The following GPT2 variants were observed in gnomAD, a reference collection of about 807,000 sequenced individuals.
GPT2 encodes alanine aminotransferase 2.
In GPT2, 30 loss-of-function variants were observed where a neutral mutation model predicts 56.9. The ratio of observed to expected loss-of-function variants is 0.53; its 90% confidence interval spans 0.39 to 0.72. The LOEUF (loss-of-function observed/expected upper bound fraction) is 0.72. Ranked by LOEUF, GPT2 falls within the 30% of genes least tolerant of loss-of-function variation. The pLI, the probability that GPT2 is intolerant of heterozygous loss-of-function variation, is 0.00. For missense variants in GPT2, 542 were observed against 703.4 expected (o/e 0.77, Z 2.60); for synonymous variants, 271 against 283.1 (o/e 0.96, Z 0.43).
At chr16:46,924,191 C>T (rs986546960) in intron 9 of GPT2, 198 bp from the exon 10 acceptor site, 4 of 662,822 alleles carry the variant, frequency 6.0e-6, no homozygotes, top group Non-Finnish European at 8.3e-6. Flanking sequence ...CCACCCACTC[C>T]GTCTGTGTGG....
chr16:46,897,750 C>T lies in GPT2; in HGVS notation c.333+13C>T, dbSNP rs2143393374. On this transcript the variant is annotated intron_variant, in intron 3 of 11. Transcript: ENST00000340124. ...CTTCCTCCGGCAGGTGAGCCGCCCC[C>T]AGGAGCAGAGGCTGCAGGAGGGCAG... 3.1e-6 allele frequency: 5 copies of T among 1,613,366 alleles called. No homozygotes were observed. In the East Asian group the frequency reaches 8.9e-5, roughly 29 times the overall value.
At chr16:46,924,573 T>C in intron 10 of GPT2, 29 bp downstream of exon 10, 1 of 1,609,984 alleles carries the variant, frequency 6.2e-7, no homozygotes, top group East Asian at 2.2e-5. Flanking sequence ...GCTGGCTCTC[T>C]CTTACCAGGT....
At chr16:46,905,819 ACT>A (rs1449133767) in intron 4 of GPT2, among the ~76,000 whole-genome samples, 7 of 151,670 alleles carry the variant, frequency 4.6e-5, no homozygotes, top group African/African-American at 1.5e-4. Context: ...CCCCCTGTAC[ACT>A]CTCTCATGGG....
chr16:46,900,589 TG>T lies in GPT2; in HGVS notation c.334-90del, dbSNP rs1204962104. On this transcript the variant is annotated intron_variant, in intron 3 of 11. Coordinates refer to ENST00000340124, the MANE Select transcript of GPT2 (RefSeq NM_133443.4). ...GAGAGGCTTGCGTCAGCCCCATCCC[TG>T]GGAGCTGTCATCCTCCCAGTGGCCT... is the stretch of plus-strand genomic sequence containing the variant. The T allele has an allele frequency of 4.2e-6, 4 of 946,172 alleles. No individual in the cohort carries two copies. In the Admixed American group the frequency reaches 5.8e-5, roughly 14 times the overall value. 58.6% of individuals were successfully genotyped at this position (946,172 alleles called of 1,614,324 possible).
intron 3 of GPT2, among the ~76,000 whole-genome samples, chr16:46,899,821 T>C (rs1383434680): frequency 2.0e-5 from 3 of 152,196 alleles, no homozygotes; most frequent in Admixed American, 6.5e-5. Flanking sequence ...CTCAGCCTTA[T>C]TTGCTGGAGA....
intron 8 of GPT2, among the ~76,000 whole-genome samples, chr16:46,921,428 C>T (rs1199088292): frequency 6.6e-6 from 1 of 152,176 alleles, no homozygotes; most frequent in African/African-American, 2.4e-5. Context: ...CCACCTCGGC[C>T]TCCCAAAGTG....
chr16:46,927,136 G>A, intron 11 of GPT2, 99 bp downstream of exon 11: 1 of 691,404 alleles, frequency 1.4e-6, no homozygotes. Flanking sequence ...AGAGAGAGGT[G>A]CGGAGACCCT....
intron 11 of GPT2, among the ~76,000 whole-genome samples, chr16:46,927,532 G>A (rs1961442649): frequency 6.6e-6 from 1 of 152,210 alleles, no homozygotes; most frequent in Non-Finnish European, 1.5e-5. Context: ...GGCCCTGCAT[G>A]GATGGGAATG....
In GPT2 at chr16:46,924,430, G is replaced by A; in HGVS notation, c.1254G>A (p.Lys418=). The change falls in exon 10 of 12, where the codon AAG becomes AAA. Residue 418 remains lysine, a synonymous_variant. Transcript: ENST00000340124. Reference sequence around the variant, plus strand: ...TGGGTAATCTGGCCAAAAAAGCAAAGCTGACGGAAGACCTGTTTAACCAAG... The same window carrying A: ...TGGGTAATCTGGCCAAAAAAGCAAAACTGACGGAAGACCTGTTTAACCAAG... The part of the protein sequence containing the change: ...SVLGNLAKKA[K]LTEDLFNQVP... 1.2e-6 allele frequency: 2 copies of A among 1,614,232 alleles called. No individual in the cohort carries two copies. The highest frequency in any genetic ancestry group is 1.7e-5 in the Admixed American group (1 of 60,028).
chr16:46,928,357 G>A (rs1442926064), intron 11 of GPT2, among the ~76,000 whole-genome samples: 1 of 151,972 alleles, frequency 6.6e-6, no homozygotes, highest in Non-Finnish European at 1.5e-5. Context: ...AGGTGCAGTG[G>A]CTCATGCCTG....
intron 2 of GPT2, among the ~76,000 whole-genome samples, chr16:46,889,211 T>C (rs927700830): frequency 1.3e-5 from 2 of 149,612 alleles, no homozygotes; most frequent in South Asian, 4.2e-4. Context: ...CATTTTTTTG[T>C]AGAGACAGGG....
chr16:46,911,588 T>G (rs1961047934), intron 6 of GPT2, among the ~76,000 whole-genome samples: 1 of 152,084 alleles, frequency 6.6e-6, no homozygotes, highest in Non-Finnish European at 1.5e-5. Flanking sequence ...ATGTCAAAAT[T>G]GAGGCCACAC....
chr16:46,898,495 G>A (rs1960728768), intron 3 of GPT2, among the ~76,000 whole-genome samples: 1 of 152,226 alleles, frequency 6.6e-6, no homozygotes. Context: ...CCCAGTGTGT[G>A]ACAGCTTTTT....
rs908713108 is a variant in GPT2 at position 46,914,201 on chromosome 16, G to A, written c.821-2427G>A. On this transcript the variant is annotated intron_variant, in intron 6 of 11. Coordinates refer to ENST00000340124, the MANE Select transcript of GPT2 (RefSeq NM_133443.4). Reference sequence around the variant, plus strand: ...CCCTCACCTGTACCCATGGCATTTCGTGTGAACGGATGGATCACTATCTTG... The same window carrying A: ...CCCTCACCTGTACCCATGGCATTTCATGTGAACGGATGGATCACTATCTTG... Among the ~76,000 whole-genome samples, 4 of 152,122 alleles carry A rather than the reference G, an allele frequency of 2.6e-5. No individual in the cohort carries two copies. The South Asian group carries it at 6.2e-4, about 24-fold the overall frequency.
intron 6 of GPT2, among the ~76,000 whole-genome samples, chr16:46,913,432 T>A (rs568964858): frequency 6.6e-6 from 1 of 152,244 alleles, no homozygotes; most frequent in African/African-American, 2.4e-5. Flanking sequence ...CCAGCCCTTC[T>A]CTGTCTGTGA....
intron 11 of GPT2, 97 bp downstream of exon 11, chr16:46,927,134 G>C: frequency 2.8e-6 from 2 of 707,974 alleles, no homozygotes; most frequent in South Asian, 4.3e-5. Context: ...AAAGAGAGAG[G>C]TGCGGAGACC....
chr16:46,907,766 A>T (rs1301431580), intron 5 of GPT2, among the ~76,000 whole-genome samples: 1 of 152,040 alleles, frequency 6.6e-6, no homozygotes, highest in Non-Finnish European at 1.5e-5. Flanking sequence ...AAGGAGAAGG[A>T]GGTGGAGCAG....
intron 10 of GPT2, 152 bp downstream of exon 10, chr16:46,924,696 G>A (rs1961367601): frequency 5.0e-6 from 4 of 801,626 alleles, no homozygotes; most frequent in Non-Finnish European, 8.0e-6. Context: ...ACCGTGTAAA[G>A]ATGACAGGTT....
At position 46,930,465 on chromosome 16, in the gene GPT2, C is replaced by T. The variant is rs887327610; in HGVS notation, c.*1468C>T. 2 of 152,192 alleles carry T rather than the reference C, an allele frequency of 1.3e-5. No individual in the cohort carries two copies. The highest frequency in any genetic ancestry group is 3.8e-4 in the East Asian group (2 of 5,198). 9.4% of individuals were successfully genotyped at this position (152,192 alleles called of 1,614,324 possible). A position where few individuals can be genotyped will look rare whatever the true frequency, so the allele number is the denominator to read the frequency against. Reference sequence around the variant, plus strand: ...TATGCTGTGATTTCCACACCGGGTCCGTGCAGAGGAAACAGAAACTCCCAA... The same window carrying T: ...TATGCTGTGATTTCCACACCGGGTCTGTGCAGAGGAAACAGAAACTCCCAA... On this transcript the variant is annotated 3_prime_UTR_variant, in exon 12 of 12. Coordinates refer to ENST00000340124, the MANE Select transcript of GPT2 (RefSeq NM_133443.4).
Sources: gnomAD v4.1 joint callset for allele counts (sites outside exome capture counted in the v4.1 genomes callset) on GRCh38, gnomAD v4.1.1 for gene constraint, MANE v1.5 for transcripts, NCBI Gene and HGNC (gene_info 2026-07-23, HGNC 2026-07-21) for gene names.